Variants in LTBP2 observed in about 807,000 individuals in gnomAD.
The protein encoded by LTBP2 is latent-transforming growth factor beta-binding protein 2.
In LTBP2, 103 loss-of-function variants were observed where a neutral mutation model predicts 210.6. That is an observed-to-expected ratio of 0.49 (90% CI 0.42 to 0.58). The LOEUF (loss-of-function observed/expected upper bound fraction) is 0.58. Ranked by LOEUF, LTBP2 falls within the 20% of genes least tolerant of loss-of-function variation. The pLI is 0.00. For missense variants in LTBP2, 2,313 were observed against 2,494.5 expected, an observed-to-expected ratio of 0.93 and a Z score of 1.55; for synonymous variants, 1,007 against 1,015.0, an observed-to-expected ratio of 0.99 and a Z score of 0.15.
chr14:74,572,295 G>C (rs925750308), intron 3 of LTBP2, among the ~76,000 whole-genome samples: 1 of 148,916 alleles, frequency 6.7e-6, no homozygotes, highest in African/African-American at 2.5e-5. Context: ...GTGTGTGTGT[G>C]TGTGTGTGTG....
chr14:74,562,834 C>A (rs1353372847), intron 3 of LTBP2, among the ~76,000 whole-genome samples: 1 of 152,104 alleles, frequency 6.6e-6, no homozygotes, highest in Admixed American at 6.6e-5. Context: ...ATTGACATGA[C>A]CCTTCTGGAA....
intron 30 of LTBP2, 125 bp downstream of exon 30, chr14:74,504,653 C>A: frequency 1.1e-6 from 1 of 881,052 alleles, no homozygotes; most frequent in East Asian, 2.5e-5. Flanking sequence ...AGCCCTGGGA[C>A]AGAAAAGGTG....
At chr14:74,563,404 A>C (rs762040321) in intron 3 of LTBP2, among the ~76,000 whole-genome samples, 9 of 152,232 alleles carry the variant, frequency 5.9e-5, no homozygotes, top group Non-Finnish European at 1.0e-4. Flanking sequence ...GAATGAAAAC[A>C]ACTTAAGTGT....
chr14:74,561,581 G>A (rs1319182189), intron 3 of LTBP2, among the ~76,000 whole-genome samples: 1 of 152,144 alleles, frequency 6.6e-6, no homozygotes, highest in Admixed American at 6.5e-5. Flanking sequence ...GTCTGTGTGT[G>A]TGTACCTCCT....
rs74063230 is a variant in LTBP2, at chr14:74,599,390, G to A, written c.565+4245C>T. Among the ~76,000 whole-genome samples the A allele has an allele frequency of 2.8e-3, 400 of 144,634 alleles. 3 individuals are homozygous for A. Among genetic ancestry groups the A allele is most frequent in the African/African-American group, 9.2e-3 (371 of 40,378 alleles). 94.9% of individuals were successfully genotyped at this position (144,634 alleles called of 152,430 possible). A position where few individuals can be genotyped will look rare whatever the true frequency, so the allele number is the denominator to read the frequency against. On this transcript the variant is annotated intron_variant, in intron 2 of 35. Transcript: ENST00000261978. ...GCTGAGATAAAATGAGAAGTCTAGG[G>A]AGTATTCAAATCCCCTTCCCCAGTT... is the stretch of plus-strand genomic sequence containing the variant.
chr14:74,542,769 AT>A (rs35412803), intron 8 of LTBP2, among the ~76,000 whole-genome samples: 142 of 142,428 alleles, frequency 1.0e-3, no homozygotes, highest in South Asian at 2.1e-3. Context: ...CTCAGCCTGA[AT>A]TTTTTTTTTT....
chr14:74,558,971 A>C (rs1330558629), intron 3 of LTBP2, among the ~76,000 whole-genome samples: 1 of 152,172 alleles, frequency 6.6e-6, no homozygotes, highest in Admixed American at 6.5e-5. Context: ...CTGAAACAAG[A>C]ATAGCAATGC....
intron 28 of LTBP2, among the ~76,000 whole-genome samples, chr14:74,505,819 C>G (rs1389404190): frequency 6.6e-6 from 1 of 152,170 alleles, no homozygotes; most frequent in African/African-American, 2.4e-5. Flanking sequence ...TCAGGGTTTC[C>G]TGAGCCTCCT....
At chr14:74,541,841 A>G (rs972422695) in intron 8 of LTBP2, among the ~76,000 whole-genome samples, 4 of 152,204 alleles carry the variant, frequency 2.6e-5, no homozygotes, top group Non-Finnish European at 4.4e-5. Context: ...CACGATGTGC[A>G]TAACCAAAGT....
Position 74,604,164 on chromosome 14 carries a change from CAAAAAA to C in LTBP2, c.495-465_495-460del, listed in dbSNP as rs59313477. ...GCTCCAACTCTACATTGCCTCTCACCAAAAAAAAAAAAAAAAAAAACCACACACACA... is the reference window on the plus strand; with the variant it reads ...GCTCCAACTCTACATTGCCTCTCACCAAAAAAAAAAAAAACCACACACACA... On this transcript the variant is annotated intron_variant, in intron 1 of 35. Transcript: ENST00000261978. Among the ~76,000 whole-genome samples the C allele has an allele frequency of 1.4e-3, 99 of 72,750 alleles. 5 individuals are homozygous for C. The highest frequency in any genetic ancestry group is 6.7e-3 in the African/African-American group (90 of 13,450). 47.7% of individuals were successfully genotyped at this position (72,750 alleles called of 152,430 possible).
chr14:74,527,454 G>T, intron 12 of LTBP2, 88 bp from the exon 13 acceptor site: 1 of 1,433,786 alleles, frequency 7.0e-7, no homozygotes, highest in South Asian at 1.2e-5. Flanking sequence ...TTCACAGTCT[G>T]CGCCCCAGAC....
chr14:74,574,904 C>T (rs966065779), intron 3 of LTBP2, among the ~76,000 whole-genome samples: 4 of 152,220 alleles, frequency 2.6e-5, no homozygotes, highest in African/African-American at 9.7e-5. Flanking sequence ...GACACCATTT[C>T]CCTTGAATCT....
rs1566610008 is a variant in LTBP2, at chr14:74,500,310, C to T, written c.*574G>A. The T allele has an allele frequency of 4.1e-6, 1 of 243,510 alleles. No individual in the cohort carries two copies. The highest frequency in any genetic ancestry group is 2.2e-5 in the African/African-American group (1 of 45,488). 15.1% of individuals were successfully genotyped at this position (243,510 alleles called of 1,614,324 possible). A position where few individuals can be genotyped will look rare whatever the true frequency, so the allele number is the denominator to read the frequency against. On this transcript the variant is annotated 3_prime_UTR_variant, in exon 36 of 36. Coordinates refer to ENST00000261978, the MANE Select transcript of LTBP2 (RefSeq NM_000428.3). The stretch of plus-strand genomic sequence containing the variant: ...GGGATCTTCTGCCACTCCTTGGGGT[C>T]AGAGAATGGGCTACAGGATGGAGGT...
intron 21 of LTBP2, 123 bp downstream of exon 21, chr14:74,509,611 G>T: frequency 7.1e-7 from 1 of 1,412,456 alleles, no homozygotes. Flanking sequence ...CCATTTATGG[G>T]GTCTTCTAGC....
chr14:74,577,397 C>A (rs528671887), intron 3 of LTBP2, among the ~76,000 whole-genome samples: 19 of 152,134 alleles, frequency 1.2e-4, no homozygotes, highest in African/African-American at 4.6e-4. Flanking sequence ...GTGAGAGGCT[C>A]ACATGTTCTT....
chr14:74,603,480 T>A (rs2088478138), intron 2 of LTBP2, among the ~76,000 whole-genome samples, 155 bp downstream of exon 2: 1 of 152,162 alleles, frequency 6.6e-6, no homozygotes, highest in African/African-American at 2.4e-5. Context: ...TGCCTCCACT[T>A]TAAATAGGGG....
chr14:74,544,595 TC>T lies in LTBP2; in HGVS notation c.1789+5267del, dbSNP rs531361721. Among the ~76,000 whole-genome samples the T allele has an allele frequency of 2.7e-3, 418 of 152,130 alleles. 1 individual carries two copies. Among genetic ancestry groups the T allele is most frequent in the Middle Eastern group, 6.8e-3 (2 of 294 alleles). The stretch of plus-strand genomic sequence containing the variant: ...CCCCAGCACCCTCCCATACCCATCC[TC>T]CCCAGGGGCTGGCATCACAGAGCTA... On this transcript the variant is annotated intron_variant, in intron 8 of 35. Transcript: ENST00000261978.
intron 3 of LTBP2, among the ~76,000 whole-genome samples, chr14:74,573,053 C>T (rs574678526): frequency 6.6e-6 from 1 of 152,320 alleles, no homozygotes; most frequent in South Asian, 2.1e-4. Flanking sequence ...AGGCCGAATG[C>T]TGCTCCAGGC....
chr14:74,526,701 G>A (rs774927987), intron 13 of LTBP2, among the ~76,000 whole-genome samples: 21 of 152,320 alleles, frequency 1.4e-4, no homozygotes, highest in African/African-American at 4.1e-4. Context: ...CAAGGCACCC[G>A]GAAGAAACTG....
Sources: gnomAD v4.1 joint callset for allele counts (sites outside exome capture counted in the v4.1 genomes callset) on GRCh38, gnomAD v4.1.1 for gene constraint, MANE v1.5 for transcripts, NCBI Gene and HGNC (gene_info 2026-07-23, HGNC 2026-07-21) for gene names.